Variants in NOL4 observed in about 807,000 individuals in gnomAD.
The protein encoded by NOL4 is nucleolar protein 4.
A neutral mutation model predicts 75.9 loss-of-function variants in NOL4; 17 were observed. The ratio of observed to expected loss-of-function variants is 0.22; its 90% CI spans 0.15 to 0.34. The LOEUF (loss-of-function observed/expected upper bound fraction) is 0.34. Ranked by LOEUF, NOL4 falls within the 10% of genes least tolerant of loss-of-function variation. The pLI is 1.00. For synonymous variants in NOL4, 292 were observed against 289.9 expected (o/e 1.01, Z -0.07); for missense variants, 614 against 793.5 (o/e 0.77, Z 2.72).
At chr18:34,213,440 C>T (rs922624922) in intron 1 of NOL4, among the ~76,000 whole-genome samples, 2 of 152,168 alleles carry the variant, frequency 1.3e-5, no homozygotes, top group Non-Finnish European at 1.5e-5. Flanking sequence ...CAGGCACACG[C>T]CGCCACCCCC....
chr18:34,118,564 C>G (rs1284774987), intron 2 of NOL4, among the ~76,000 whole-genome samples: 1 of 152,126 alleles, frequency 6.6e-6, no homozygotes. Flanking sequence ...GAAAATAAAT[C>G]TAGGCTCTAT....
intron 2 of NOL4, among the ~76,000 whole-genome samples, chr18:34,120,532 T>C (rs2080090679): frequency 6.6e-6 from 1 of 152,078 alleles, no homozygotes; most frequent in Non-Finnish European, 1.5e-5. Flanking sequence ...ATTTGATGAG[T>C]ATGTGGTCAA....
At chr18:34,048,635 T>C in intron 5 of NOL4, 1 of 984,704 alleles carries the variant, frequency 1.0e-6, no homozygotes, top group African/African-American at 1.7e-5. Flanking sequence ...GGTGTTGCTA[T>C]GACAACGGAG....
At chr18:34,044,885 A>C (rs977728347) in intron 5 of NOL4, among the ~76,000 whole-genome samples, 1 of 152,142 alleles carries the variant, frequency 6.6e-6, no homozygotes, top group African/African-American at 2.4e-5. Context: ...AATGCTGCCC[A>C]GTCATGGGCC....
chr18:33,882,313 A>T (rs2064338203), intron 10 of NOL4, among the ~76,000 whole-genome samples: 1 of 152,174 alleles, frequency 6.6e-6, no homozygotes, highest in Non-Finnish European at 1.5e-5. Flanking sequence ...TCATCTGACA[A>T]AGGGCTAATA....
intron 10 of NOL4, among the ~76,000 whole-genome samples, chr18:33,877,518 GT>G (rs1467447202): frequency 1.3e-5 from 2 of 150,340 alleles, no homozygotes; most frequent in African/African-American, 4.9e-5. Flanking sequence ...CCTTGAGCAA[GT>G]CACATAAATT....
At chr18:34,222,965 T>C in intron 1 of NOL4, 25 bp downstream of exon 1, 1 of 1,599,862 alleles carries the variant, frequency 6.3e-7, no homozygotes, top group South Asian at 1.1e-5. Flanking sequence ...GGCAGACAAA[T>C]AACAGAGGAA....
chr18:34,187,370 CTTTT>C (rs545524361), intron 1 of NOL4, among the ~76,000 whole-genome samples: 199 of 78,316 alleles, frequency 2.5e-3, no homozygotes, highest in East Asian at 9.9e-3. Context: ...TAGTCCACTT[CTTTT>C]TTTTTTTTTT....
chr18:34,125,569 A>G (rs1215881805), intron 2 of NOL4, among the ~76,000 whole-genome samples: 3 of 152,152 alleles, frequency 2.0e-5, no homozygotes, highest in African/African-American at 7.2e-5. Flanking sequence ...AGATATTTAT[A>G]AAAAGAACTA....
chr18:34,204,121 T>C (rs1417862377), intron 1 of NOL4, among the ~76,000 whole-genome samples: 1 of 152,082 alleles, frequency 6.6e-6, no homozygotes, highest in Non-Finnish European at 1.5e-5. Context: ...AACTTTAGTA[T>C]GTGCATATAA....
intron 5 of NOL4, among the ~76,000 whole-genome samples, chr18:34,028,123 C>T (rs907130939): frequency 6.6e-6 from 1 of 152,186 alleles, no homozygotes; most frequent in Non-Finnish European, 1.5e-5. Context: ...GTGATTACTA[C>T]TAATTAATCA....
chr18:34,150,422 A>G (rs1185270966), intron 1 of NOL4, among the ~76,000 whole-genome samples: 3 of 151,756 alleles, frequency 2.0e-5, no homozygotes, highest in Admixed American at 6.6e-5. Context: ...TAGAGAGCCC[A>G]AAAATAGACC....
At chr18:34,046,971 A>T (rs762656920) in intron 5 of NOL4, among the ~76,000 whole-genome samples, 3 of 151,802 alleles carry the variant, frequency 2.0e-5, no homozygotes, top group Non-Finnish European at 2.9e-5. Flanking sequence ...ATTGAGAGGG[A>T]CTCCCTGACT....
intron 8 of NOL4, among the ~76,000 whole-genome samples, chr18:33,944,408 G>T (rs763962011): frequency 1.3e-5 from 2 of 151,842 alleles, no homozygotes; most frequent in Non-Finnish European, 2.9e-5. Flanking sequence ...ACACTCCATA[G>T]TTAAATTTGT....
chr18:34,051,370 A>C (rs953704358), intron 5 of NOL4, among the ~76,000 whole-genome samples: 20 of 152,180 alleles, frequency 1.3e-4, no homozygotes, highest in African/African-American at 4.6e-4. Context: ...TATAAAATTC[A>C]ATAAATAAAT....
intron 9 of NOL4, among the ~76,000 whole-genome samples, chr18:33,890,817 A>G (rs2065048379): frequency 6.6e-6 from 1 of 152,050 alleles, no homozygotes; most frequent in Non-Finnish European, 1.5e-5. Context: ...TAATCACATT[A>G]TTATAGTGCT....
At chr18:33,883,876 T>C (rs1048074551) in intron 9 of NOL4, among the ~76,000 whole-genome samples, 1 of 152,138 alleles carries the variant, frequency 6.6e-6, no homozygotes, top group Non-Finnish European at 1.5e-5. Flanking sequence ...AAATATTGTG[T>C]GATGCCACTT....
intron 6 of NOL4, among the ~76,000 whole-genome samples, chr18:33,971,629 C>T (rs2071071519): frequency 6.6e-6 from 1 of 152,104 alleles, no homozygotes; most frequent in Non-Finnish European, 1.5e-5. Context: ...AGAAAATGTA[C>T]AGTTCTAGGG....
intron 9 of NOL4, among the ~76,000 whole-genome samples, chr18:33,897,882 T>C (rs1045855164): frequency 1.3e-5 from 2 of 152,112 alleles, no homozygotes; most frequent in Non-Finnish European, 2.9e-5. Context: ...CCATTGTTTA[T>C]AATTGGGCTC....
Sources: allele counts gnomAD v4.1 joint callset (sites outside exome capture counted in the v4.1 genomes callset), GRCh38; gene constraint gnomAD v4.1.1; transcripts MANE v1.5; gene names NCBI Gene and HGNC (gene_info 2026-07-23, HGNC 2026-07-21).